Variants in CALCRL observed in about 807,000 individuals in gnomAD.
CALCRL encodes calcitonin gene-related peptide type 1 receptor.
A neutral mutation model predicts 60.4 loss-of-function variants in CALCRL; 27 were observed. That is an observed-to-expected ratio of 0.45 (90% CI 0.33 to 0.62). The LOEUF (loss-of-function observed/expected upper bound fraction) is 0.62, where lower values mean the gene tolerates loss of function less well. Among genes scored for constraint, CALCRL ranks in the 20% least tolerant of loss-of-function variants. The pLI, the probability that CALCRL is intolerant of heterozygous loss-of-function variation, is 0.03. For missense variants in CALCRL, 424 were observed against 540.7 expected (o/e 0.78, Z 2.14); for synonymous variants, 190 against 182.6 (o/e 1.04, Z -0.33).
At chr2:187,436,574 A>C (rs1206531574) in intron 1 of CALCRL, 1 of 152,206 alleles carries the variant, frequency 6.6e-6, no homozygotes, top group Non-Finnish European at 1.5e-5. Flanking sequence ...ATCAGAAGTA[A>C]TAACCCTGAG....
intron 8 of CALCRL, among the ~76,000 whole-genome samples, chr2:187,370,845 T>G (rs566931467): frequency 6.6e-5 from 10 of 152,324 alleles, no homozygotes; most frequent in African/African-American, 1.9e-4. Flanking sequence ...CCATCTCACT[T>G]TATGGCATAA....
intron 1 of CALCRL, among the ~76,000 whole-genome samples, chr2:187,431,076 A>C (rs1258485010): frequency 6.6e-6 from 1 of 152,164 alleles, no homozygotes; most frequent in African/African-American, 2.4e-5. Flanking sequence ...CAAGGTGCCA[A>C]GGAAATAATT....
intron 12 of CALCRL, among the ~76,000 whole-genome samples, chr2:187,357,251 A>G (rs1433579596): frequency 6.6e-6 from 1 of 152,112 alleles, no homozygotes; most frequent in Non-Finnish European, 1.5e-5. Context: ...CTTGAAACCA[A>G]ACCAAATGCC....
chr2:187,397,929 T>C (rs1202256888), intron 1 of CALCRL, among the ~76,000 whole-genome samples: 1 of 151,712 alleles, frequency 6.6e-6, no homozygotes, highest in Non-Finnish European at 1.5e-5. Flanking sequence ...GATTGAACAG[T>C]TGAATAACTA....
At chr2:187,437,282 C>G (rs760713100) in intron 1 of CALCRL, among the ~76,000 whole-genome samples, 4 of 152,020 alleles carry the variant, frequency 2.6e-5, no homozygotes, top group Non-Finnish European at 5.9e-5. Flanking sequence ...GTGGCTCACG[C>G]CTGTAATCGC....
At position 187,346,014 on chromosome 2, in the gene CALCRL, TAG is replaced by T. The variant is rs557836271; in HGVS notation, c.*168_*169del. 5.5e-5 allele frequency: 28 copies of T among 509,890 alleles called. No individual in the cohort carries two copies. The highest frequency in any genetic ancestry group is 4.9e-4 in the African/African-American group (25 of 50,714). 31.6% of individuals were successfully genotyped at this position (509,890 alleles called of 1,614,324 possible). A position where few individuals can be genotyped will look rare whatever the true frequency, so the allele number is the denominator to read the frequency against. On this transcript the variant is annotated 3_prime_UTR_variant, in exon 15 of 15. Coordinates refer to ENST00000392370, the MANE Select transcript of CALCRL (RefSeq NM_005795.6). ...AAACCAGGATTTCTTTTTTCCCACA[TAG>T]AGCTGGATGTTACACTCTTATCAAC...
chr2:187,364,953 A>G (rs1687212327), intron 8 of CALCRL, among the ~76,000 whole-genome samples: 1 of 152,192 alleles, frequency 6.6e-6, no homozygotes, highest in Admixed American at 6.5e-5. Flanking sequence ...TAGTATTTTC[A>G]TATTAAAGAG....
intron 1 of CALCRL, among the ~76,000 whole-genome samples, chr2:187,411,836 A>C (rs1689372681): frequency 1.3e-5 from 2 of 151,910 alleles, no homozygotes; most frequent in South Asian, 4.2e-4. Flanking sequence ...CTCCACTAAA[A>C]ATACAAAAAA....
At chr2:187,347,072 C>T (rs887873258) in intron 14 of CALCRL, among the ~76,000 whole-genome samples, 2 of 151,766 alleles carry the variant, frequency 1.3e-5, no homozygotes, top group African/African-American at 4.8e-5. Flanking sequence ...TCCTCTTCTG[C>T]TGAATAAATT....
At chr2:187,413,411 C>T (rs1419811396) in intron 1 of CALCRL, among the ~76,000 whole-genome samples, 1 of 152,062 alleles carries the variant, frequency 6.6e-6, no homozygotes, top group Non-Finnish European at 1.5e-5. Context: ...CTATTTTTAT[C>T]TGACTGTTGC....
chr2:187,429,216 T>TG (rs1690293416), intron 1 of CALCRL, among the ~76,000 whole-genome samples: 5 of 151,992 alleles, frequency 3.3e-5, no homozygotes, highest in African/African-American at 1.2e-4. Context: ...ATCTGTCAAG[T>TG]TTTGGTCAGC....
Position 187,385,507 on chromosome 2 carries a change from G to A in CALCRL, c.51+38C>T, listed in dbSNP as rs117945272. On this transcript the variant is annotated intron_variant, in intron 4 of 14. Coordinates refer to ENST00000392370, the MANE Select transcript of CALCRL (RefSeq NM_005795.6). ...TTTATCAATTATAGGTATACTGGAAGCAATAACAGACATAATCATATATAT... is the reference window on the plus strand; with the variant it reads ...TTTATCAATTATAGGTATACTGGAAACAATAACAGACATAATCATATATAT... 1,044 of 998,088 alleles carry A rather than the reference G, an allele frequency of 1.0e-3. 21 individuals are homozygous for A. In the East Asian group the frequency reaches 0.025, roughly 24 times the overall value. The allele number at this position is 998,088 out of a possible 1,614,324, so 61.8% of individuals were successfully genotyped here.
At chr2:187,407,562 A>G (rs1352287356) in intron 1 of CALCRL, among the ~76,000 whole-genome samples, 2 of 152,124 alleles carry the variant, frequency 1.3e-5, no homozygotes, top group African/African-American at 4.8e-5. Flanking sequence ...TCAAAATTTT[A>G]GTAGTGCATT....
At chr2:187,362,993 A>T (rs1222638258) in intron 9 of CALCRL, among the ~76,000 whole-genome samples, 1 of 152,170 alleles carries the variant, frequency 6.6e-6, no homozygotes, top group African/African-American at 2.4e-5. Context: ...ATTTGGATTG[A>T]ATAAATATTA....
At chr2:187,359,608 G>A (rs527283590) in intron 10 of CALCRL, among the ~76,000 whole-genome samples, 1 of 152,212 alleles carries the variant, frequency 6.6e-6, no homozygotes, top group African/African-American at 2.4e-5. Context: ...TACTTTCTGT[G>A]AGATGGAATT....
chr2:187,396,444 G>A (rs1233478425), intron 1 of CALCRL, among the ~76,000 whole-genome samples: 5 of 151,550 alleles, frequency 3.3e-5, no homozygotes, highest in African/African-American at 1.2e-4. Context: ...AATGCTTATA[G>A]GACTAGAAAT....
rs1687231538 is a variant in CALCRL at position 187,365,336 on chromosome 2, T to C, written c.501-1834A>G. Among the ~76,000 whole-genome samples the C allele has an allele frequency of 3.9e-5, 6 of 152,216 alleles. No individual in the cohort carries two copies. The South Asian group carries it at 1.2e-3, about 32-fold the overall frequency. On this transcript the variant is annotated intron_variant, in intron 8 of 14. Coordinates refer to ENST00000392370, the MANE Select transcript of CALCRL (RefSeq NM_005795.6). ...TATAGACATATAACATTTGTTCATA[T>C]GGTCTTATTTTAAAATGCCTGCTTT... is the stretch of plus-strand genomic sequence containing the variant.
intron 1 of CALCRL, among the ~76,000 whole-genome samples, chr2:187,446,310 T>C (rs1372376649): frequency 6.6e-6 from 1 of 151,744 alleles, no homozygotes; most frequent in Non-Finnish European, 1.5e-5. Flanking sequence ...TGAATTTTTA[T>C]TTCAAACTTC....
chr2:187,372,803 GCTC>G (rs1465806039), intron 8 of CALCRL, among the ~76,000 whole-genome samples: 2 of 152,136 alleles, frequency 1.3e-5, no homozygotes, highest in African/African-American at 4.8e-5. Flanking sequence ...TGAAACATCA[GCTC>G]CTCTAGGAAT....
Sources: allele counts gnomAD v4.1 joint callset (sites outside exome capture counted in the v4.1 genomes callset), GRCh38; gene constraint gnomAD v4.1.1; transcripts MANE v1.5; gene names NCBI Gene and HGNC (gene_info 2026-07-23, HGNC 2026-07-21).